The following LRBA variants were observed in gnomAD, a reference collection of about 807,000 sequenced individuals.
The protein encoded by LRBA is LPS responsive beige-like anchor protein.
In LRBA, 176 loss-of-function variants were observed where a neutral mutation model predicts 330.0. That is an observed-to-expected ratio of 0.53 (90% confidence interval 0.47 to 0.60). The LOEUF (loss-of-function observed/expected upper bound fraction) is 0.60, where lower values mean the gene tolerates loss of function less well. Among genes scored for constraint, LRBA ranks in the 20% least tolerant of loss-of-function variants. The pLI, the probability that LRBA is intolerant of heterozygous loss-of-function variation, is 0.00. For synonymous variants in LRBA, 1,230 were observed against 1,193.0 expected (o/e 1.03, Z -0.64); for missense variants, 3,259 against 3,444.8 (o/e 0.95, Z 1.35).
At chr4:150,359,567 T>C (rs528542938) in intron 47 of LRBA, among the ~76,000 whole-genome samples, 1 of 152,196 alleles carries the variant, frequency 6.6e-6, no homozygotes, top group Non-Finnish European at 1.5e-5. Flanking sequence ...GGTAGAAGAT[T>C]AGTTGAGTTT....
At chr4:150,599,387 T>C (rs1265553995) in intron 37 of LRBA, among the ~76,000 whole-genome samples, 1 of 152,198 alleles carries the variant, frequency 6.6e-6, no homozygotes. Flanking sequence ...ATACATCATT[T>C]TGAAATGAAT....
intron 28 of LRBA, among the ~76,000 whole-genome samples, chr4:150,834,431 A>G (rs532834877): frequency 1.4e-4 from 22 of 152,368 alleles, no homozygotes; most frequent in South Asian, 6.2e-4. Flanking sequence ...AAAAAGCATG[A>G]AAATAACATG....
rs187886081 is a variant in LRBA at position 150,439,208 on chromosome 4, A to G, written c.6781-2344T>C. Among the ~76,000 whole-genome samples, 58 of 152,346 alleles carry G rather than the reference A, an allele frequency of 3.8e-4. No homozygotes were observed. In the East Asian group the frequency reaches 8.1e-3, roughly 21 times the overall value. ...CTCCTTTTGTATGGTCTGAAGCATA[A>G]TAAGTATTCACTTTATCTGCTCCTA... On this transcript the variant is annotated intron_variant, in intron 44 of 56. Transcript: ENST00000651943.
At chr4:150,854,250 T>C (rs1049395301) in intron 22 of LRBA, among the ~76,000 whole-genome samples, 4 of 152,378 alleles carry the variant, frequency 2.6e-5, no homozygotes, top group South Asian at 4.1e-4. Context: ...ATTGTAACTA[T>C]GTTCTTAATT....
At chr4:150,978,204 C>A (rs1292101867) in intron 2 of LRBA, among the ~76,000 whole-genome samples, 1 of 152,248 alleles carries the variant, frequency 6.6e-6, no homozygotes, top group East Asian at 1.9e-4. Context: ...GAGAGAGCAA[C>A]ATACCATTTG....
At chr4:150,830,380 G>C (rs1409100831) in intron 29 of LRBA, among the ~76,000 whole-genome samples, 1 of 152,184 alleles carries the variant, frequency 6.6e-6, no homozygotes, top group East Asian at 1.9e-4. Flanking sequence ...TGGAGACAGA[G>C]ATGCTCTCCA....
intron 44 of LRBA, among the ~76,000 whole-genome samples, chr4:150,438,649 C>A (rs75729651): frequency 0.1 from 15,710 of 151,880 alleles, 1,083 homozygotes; most frequent in Non-Finnish European, 0.16. Flanking sequence ...ATAAATAAAT[C>A]AAAAATATTG....
At chr4:150,652,370 A>G (rs1779787035) in intron 37 of LRBA, among the ~76,000 whole-genome samples, 1 of 151,974 alleles carries the variant, frequency 6.6e-6, no homozygotes, top group African/African-American at 2.4e-5. Flanking sequence ...TATTTTTGAC[A>G]TCTATTTGTT....
intron 30 of LRBA, among the ~76,000 whole-genome samples, chr4:150,822,972 C>G (rs1745682302): frequency 6.6e-6 from 1 of 152,116 alleles, no homozygotes; most frequent in South Asian, 2.1e-4. Context: ...CAAACTAGTT[C>G]TATTTTTAGT....
At chr4:150,486,535 T>C (rs1353829357) in intron 42 of LRBA, among the ~76,000 whole-genome samples, 8 of 151,956 alleles carry the variant, frequency 5.3e-5, no homozygotes, top group Non-Finnish European at 1.2e-4. Context: ...TCAATTTTGA[T>C]ATATTCATAT....
chr4:150,494,568 G>C (rs1044653231), intron 40 of LRBA, among the ~76,000 whole-genome samples: 3 of 152,172 alleles, frequency 2.0e-5, no homozygotes, highest in African/African-American at 7.2e-5. Context: ...TTCATGTACT[G>C]AAATAGTTTT....
chr4:150,587,453 G>A (rs1364353200), intron 40 of LRBA, among the ~76,000 whole-genome samples: 1 of 152,032 alleles, frequency 6.6e-6, no homozygotes, highest in Non-Finnish European at 1.5e-5. Flanking sequence ...TGCTACAAAT[G>A]TTTCTTAGTA....
intron 36 of LRBA, among the ~76,000 whole-genome samples, chr4:150,685,998 T>C (rs1406695001): frequency 2.0e-5 from 3 of 152,150 alleles, no homozygotes; most frequent in East Asian, 1.9e-4. Context: ...ACAGGAATCA[T>C]AGTATACTTA....
chr4:150,610,329 C>A (rs1775110738), intron 37 of LRBA, among the ~76,000 whole-genome samples: 1 of 152,138 alleles, frequency 6.6e-6, no homozygotes, highest in African/African-American at 2.4e-5. Context: ...GTGGCTCACG[C>A]CTATAATCCC....
intron 34 of LRBA, among the ~76,000 whole-genome samples, chr4:150,786,110 A>G (rs1739019265): frequency 6.6e-6 from 1 of 152,182 alleles, no homozygotes; most frequent in African/African-American, 2.4e-5. Context: ...TTCTGTTAAG[A>G]TGTAGGCATA....
intron 48 of LRBA, among the ~76,000 whole-genome samples, chr4:150,336,278 C>A (rs1382028425): frequency 1.3e-5 from 2 of 152,208 alleles, no homozygotes; most frequent in East Asian, 3.9e-4. Context: ...AATCTATAGA[C>A]CTTGCTATAA....
intron 44 of LRBA, among the ~76,000 whole-genome samples, chr4:150,443,872 ATTTTTTTTTT>A (rs61403112): frequency 0.033 from 2,921 of 88,348 alleles, 124 homozygotes; most frequent in East Asian, 0.17. Flanking sequence ...ATATATATAT[ATTTTTTTTTT>A]TTTTTTTTTT....
chr4:150,814,529 AAG>A (rs771181687), intron 31 of LRBA, among the ~76,000 whole-genome samples: 3 of 152,052 alleles, frequency 2.0e-5, no homozygotes, highest in Non-Finnish European at 4.4e-5. Flanking sequence ...AACACAGTGA[AAG>A]AGGAAAAAGA....
chr4:150,653,508 T>C (rs953062367), intron 37 of LRBA, among the ~76,000 whole-genome samples: 1 of 152,142 alleles, frequency 6.6e-6, no homozygotes, highest in African/African-American at 2.4e-5. Context: ...ACATAGCAGG[T>C]TGGTCCAGGC....
Sources: allele counts gnomAD v4.1 joint callset (sites outside exome capture counted in the v4.1 genomes callset), GRCh38; gene constraint gnomAD v4.1.1; transcripts MANE v1.5; gene names NCBI Gene and HGNC (gene_info 2026-07-23, HGNC 2026-07-21).